PIK3C3: variants seen among roughly 807,000 people sequenced by gnomAD.
The protein encoded by PIK3C3 is PI3-kinase type 3.
In PIK3C3, 95 loss-of-function variants were observed where a neutral mutation model predicts 126.1. That is an observed-to-expected ratio of 0.75 (90% CI 0.64 to 0.89). The LOEUF is 0.89. Ranked by LOEUF, PIK3C3 falls within the 40% of genes least tolerant of loss-of-function variation. The pLI, the probability that PIK3C3 is intolerant of heterozygous loss-of-function variation, is 0.00. For synonymous variants in PIK3C3, 374 were observed against 360.0 expected (o/e 1.04, Z -0.44); for missense variants, 829 against 1,063.2 (o/e 0.78, Z 3.06).
chr18:42,013,055 A>G (rs891271550), intron 10 of PIK3C3, among the ~76,000 whole-genome samples: 1 of 152,050 alleles, frequency 6.6e-6, no homozygotes, highest in African/African-American at 2.4e-5. Context: ...CCATTACTGA[A>G]AAAAAGGATC....
chr18:41,978,251 GAC>G (rs1981030137), intron 4 of PIK3C3, among the ~76,000 whole-genome samples: 1 of 152,168 alleles, frequency 6.6e-6, no homozygotes, highest in Non-Finnish European at 1.5e-5. Context: ...CACCATGCTG[GAC>G]CTCTAGGCTA....
At chr18:42,053,245 A>C (rs1984883985) in intron 21 of PIK3C3, among the ~76,000 whole-genome samples, 1 of 152,216 alleles carries the variant, frequency 6.6e-6, no homozygotes, top group South Asian at 2.1e-4. Context: ...GAATGTCAAA[A>C]TCTATACAAG....
rs569347832 is a variant in PIK3C3 at position 42,072,175 on chromosome 18, A to G, written c.2649+4662A>G. ...TTGTAGTCATCTATTATAATGATGC[A>G]ATATTGTTAATCGATTTATGGTAAT... On this transcript the variant is annotated intron_variant, in intron 24 of 24. Transcript: ENST00000262039. Among the ~76,000 whole-genome samples, 262 of 152,318 alleles carry G rather than the reference A, an allele frequency of 1.7e-3. 1 individual carries two copies. The highest frequency in any genetic ancestry group is 2.8e-3 in the Non-Finnish European group (191 of 68,024).
chr18:41,957,370 TATC>T (rs1227637154), intron 1 of PIK3C3, among the ~76,000 whole-genome samples, 197 bp from the exon 2 acceptor site: 1 of 152,220 alleles, frequency 6.6e-6, no homozygotes, highest in Non-Finnish European at 1.5e-5. Flanking sequence ...AAGAAACCCT[TATC>T]ATATATAAAA....
At chr18:42,053,500 T>G (rs1039719674) in intron 21 of PIK3C3, among the ~76,000 whole-genome samples, 3 of 152,192 alleles carry the variant, frequency 2.0e-5, no homozygotes, top group African/African-American at 4.8e-5. Context: ...TTTTACTTAT[T>G]AGTGCATTAC....
At chr18:41,991,402 A>G (rs975928375) in intron 6 of PIK3C3, among the ~76,000 whole-genome samples, 1 of 152,144 alleles carries the variant, frequency 6.6e-6, no homozygotes, top group African/African-American at 2.4e-5. Context: ...GTTTGAAACC[A>G]CATAAAGTAT....
At chr18:41,979,810 G>T (rs985991167) in intron 4 of PIK3C3, among the ~76,000 whole-genome samples, 1 of 151,130 alleles carries the variant, frequency 6.6e-6, no homozygotes, top group African/African-American at 2.4e-5. Flanking sequence ...TGTATTCCTG[G>T]GTATTTTTCA....
intron 6 of PIK3C3, among the ~76,000 whole-genome samples, chr18:41,991,870 A>G (rs1038390568): frequency 2.0e-5 from 3 of 152,184 alleles, no homozygotes; most frequent in African/African-American, 2.4e-5. Context: ...AACAAGGGAA[A>G]TGTGAGTGAA....
intron 9 of PIK3C3, among the ~76,000 whole-genome samples, chr18:42,003,866 T>G (rs1271513345): frequency 6.6e-6 from 1 of 152,192 alleles, no homozygotes; most frequent in Non-Finnish European, 1.5e-5. Flanking sequence ...AGTCTTCATG[T>G]TTAAGTATCT....
intron 22 of PIK3C3, among the ~76,000 whole-genome samples, chr18:42,061,497 G>A (rs1191569216): frequency 6.6e-6 from 1 of 152,110 alleles, no homozygotes; most frequent in East Asian, 1.9e-4. Context: ...CAAGAGACTC[G>A]CTTGAACCTG....
intron 3 of PIK3C3, among the ~76,000 whole-genome samples, chr18:41,963,728 T>A (rs1182915284): frequency 6.6e-6 from 1 of 152,196 alleles, no homozygotes; most frequent in Non-Finnish European, 1.5e-5. Flanking sequence ...TTGGAGTGTT[T>A]ATTGACTATT....
Position 42,033,966 on chromosome 18 carries a change from G to T in PIK3C3, c.1839+9G>T. Reference sequence around the variant, plus strand: ...CAGCTACACTGTTTAAAGTAATTGTGATGGATATTTAATGTGTATGATTGG... The same window carrying T: ...CAGCTACACTGTTTAAAGTAATTGTTATGGATATTTAATGTGTATGATTGG... On this transcript the variant is annotated intron_variant, in intron 16 of 24. Transcript: ENST00000262039. 6.4e-7 allele frequency: 1 copy of T among 1,574,626 alleles called. No individual in the cohort carries two copies. The highest frequency in any genetic ancestry group is 1.2e-5 in the South Asian group (1 of 84,668).
chr18:42,080,572 C>T (rs143612313), intron 24 of PIK3C3, among the ~76,000 whole-genome samples: 3 of 152,156 alleles, frequency 2.0e-5, no homozygotes, highest in Non-Finnish European at 4.4e-5. Context: ...AAGAAATCTT[C>T]GTTGATTTTA....
chr18:42,060,642 T>C (rs189902731), intron 22 of PIK3C3, among the ~76,000 whole-genome samples: 2 of 152,164 alleles, frequency 1.3e-5, no homozygotes, highest in East Asian at 3.9e-4. Flanking sequence ...CCAGGTGTGA[T>C]GGTGCACGCT....
intron 4 of PIK3C3, among the ~76,000 whole-genome samples, chr18:41,986,233 T>C (rs1401474290): frequency 6.6e-6 from 1 of 152,158 alleles, no homozygotes; most frequent in Admixed American, 6.5e-5. Flanking sequence ...AAAAAGTGCC[T>C]ATAATTTGGC....
intron 18 of PIK3C3, among the ~76,000 whole-genome samples, chr18:42,039,883 G>A (rs1377936635): frequency 6.6e-6 from 1 of 152,134 alleles, no homozygotes; most frequent in Non-Finnish European, 1.5e-5. Flanking sequence ...ATAAATACCT[G>A]TTAAGTGAAT....
chr18:42,016,776 T>C (rs1417767009), intron 12 of PIK3C3, among the ~76,000 whole-genome samples: 1 of 152,056 alleles, frequency 6.6e-6, no homozygotes. Context: ...GGCAGAAGAT[T>C]GGATCCAGGA....
At chr18:41,962,276 T>C (rs902221549) in intron 2 of PIK3C3, among the ~76,000 whole-genome samples, 25 of 152,206 alleles carry the variant, frequency 1.6e-4, no homozygotes, top group Non-Finnish European at 3.7e-4. Flanking sequence ...TTAACAGAGC[T>C]GTTTTTCATG....
intron 3 of PIK3C3, among the ~76,000 whole-genome samples, chr18:41,965,533 G>T (rs1015527668): frequency 2.0e-5 from 3 of 152,114 alleles, no homozygotes; most frequent in African/African-American, 7.2e-5. Flanking sequence ...TATGAGAAAA[G>T]CATCTTCCTG....
Sources: allele counts gnomAD v4.1 joint callset (sites outside exome capture counted in the v4.1 genomes callset), GRCh38; gene constraint gnomAD v4.1.1; transcripts MANE v1.5; gene names NCBI Gene and HGNC (gene_info 2026-07-23, HGNC 2026-07-21).